PHEX: variants seen among roughly 807,000 people sequenced by gnomAD.
The protein encoded by PHEX is phosphate regulating endopeptidase X-linked.
In PHEX, 16 loss-of-function variants were observed where a neutral mutation model predicts 68.0. The ratio of observed to expected loss-of-function variants is 0.24; its 90% CI spans 0.16 to 0.36. The LOEUF (loss-of-function observed/expected upper bound fraction) is 0.36. Ranked by LOEUF, PHEX falls within the 10% of genes least tolerant of loss-of-function variation. The pLI, the probability that PHEX is intolerant of heterozygous loss-of-function variation, is 1.00. For synonymous variants in PHEX, 208 were observed against 205.1 expected, an observed-to-expected ratio of 1.01 and a Z score of -0.12; for missense variants, 480 against 575.5, an observed-to-expected ratio of 0.83 and a Z score of 1.70.
At chrX:22,226,324 G>GAA (rs59957380) in intron 18 of PHEX, 119 bp from the exon 19 acceptor site, 5 of 552,905 alleles carry the variant, frequency 9.0e-6, no homozygotes, top group Non-Finnish European at 1.5e-5. Flanking sequence ...TTTATTGAAT[G>GAA]TGATTTTCTC....
At chrX:22,043,146 T>C (rs900769391) in intron 2 of PHEX, among the ~76,000 whole-genome samples, 2 of 112,822 alleles carry the variant, frequency 1.8e-5, no homozygotes, top group African/African-American at 3.2e-5. Flanking sequence ...GAAAAATCTA[T>C]GAGCTCTGAA....
intron 18 of PHEX, among the ~76,000 whole-genome samples, chrX:22,225,653 A>ATAAG (rs960248467): frequency 6.2e-5 from 7 of 112,522 alleles, no homozygotes; most frequent in Middle Eastern, 4.6e-3. Context: ...TGAATTTCAT[A>ATAAG]TAAGTAATTT....
At chrX:22,102,781 A>G (rs756806699) in intron 9 of PHEX, among the ~76,000 whole-genome samples, 66 of 112,345 alleles carry the variant, frequency 5.9e-4, no homozygotes, top group Middle Eastern at 4.6e-3. Context: ...GGCTCAGGAT[A>G]TGTAGAGGAA....
chrX:22,095,886 C>T (rs111273855), intron 7 of PHEX, among the ~76,000 whole-genome samples: 23 of 112,249 alleles, frequency 2.0e-4, no homozygotes, highest in Non-Finnish European at 3.9e-4. Context: ...CAGCCAAATA[C>T]GTCCTTGTAA....
chrX:22,072,024 C>T (rs750597004), intron 3 of PHEX, among the ~76,000 whole-genome samples: 26 of 112,193 alleles, frequency 2.3e-4, no homozygotes, highest in African/African-American at 8.1e-4. Context: ...GTCAGGAGTT[C>T]GAGACCAGCC....
intron 3 of PHEX, among the ~76,000 whole-genome samples, chrX:22,073,455 C>A (rs758739266): frequency 9.0e-6 from 1 of 111,121 alleles, no homozygotes; most frequent in African/African-American, 3.3e-5. Context: ...CAACTGGAAC[C>A]CATGTCTGTG....
At chrX:22,087,750 TTC>T (rs1448930829) in intron 5 of PHEX, among the ~76,000 whole-genome samples, 3 of 111,747 alleles carry the variant, frequency 2.7e-5, no homozygotes, top group African/African-American at 9.7e-5. Context: ...TAGATTTTGT[TTC>T]TTATTATTTT....
rs191028600 is a variant in PHEX at position 22,247,856 on chromosome X, A to C, written c.2153A>C (p.Asn718Thr). Residue 718 changes from asparagine to threonine, a missense_variant, in exon 22 of 22, where the codon AAT becomes ACT. Physicochemically the swap from Asn to Thr is moderately conservative, Grantham distance 65. Coordinates refer to ENST00000379374, the MANE Select transcript of PHEX (RefSeq NM_000444.6). ...GAHSPPQFRVNGAISNFEEFQ... is the reference protein window; with the variant it reads ...GAHSPPQFRVTGAISNFEEFQ... ...TTTGACATATCGTTTTTCAGGGTCA[A>C]TGGTGCAATTAGTAACTTTGAAGAA... 1 of 1,191,303 alleles carries C rather than the reference A, an allele frequency of 8.4e-7. No individual in the cohort carries two copies. The highest frequency in any genetic ancestry group is 1.1e-6 in the Non-Finnish European group (1 of 876,727).
At chrX:22,042,695 C>T (rs957464497) in intron 2 of PHEX, among the ~76,000 whole-genome samples, 1 of 111,174 alleles carries the variant, frequency 9.0e-6, no homozygotes, top group Non-Finnish European at 1.9e-5. Context: ...CGAGGCAGGA[C>T]AATCACTTGA....
At position 22,190,428 on chromosome X, in the gene PHEX, G is replaced by T. The variant is rs374593246; in HGVS notation, c.1587-16G>T. Reference sequence around the variant, plus strand: ...TAATGATGATTGCTCTCTGGCATTTGTTTCTTTTTCTACAGGTGGTTTACA... The same window carrying T: ...TAATGATGATTGCTCTCTGGCATTTTTTTCTTTTTCTACAGGTGGTTTACA... On this transcript the variant is annotated splice_polypyrimidine_tract_variant and intron_variant, in intron 14 of 21. Transcript: ENST00000379374. 5.5e-5 allele frequency: 64 copies of T among 1,157,310 alleles called. No homozygotes were observed. The highest frequency in any genetic ancestry group is 7.6e-5 in the Non-Finnish European group (64 of 847,054).
intron 3 of PHEX, among the ~76,000 whole-genome samples, chrX:22,074,921 C>T (rs7890372): frequency 0.073 from 7,960 of 109,702 alleles, 438 homozygotes; most frequent in African/African-American, 0.19. Flanking sequence ...ACTAAAAATA[C>T]AAAAAATTAG....
At chrX:22,227,727 A>AATGTT (rs755275845) in intron 20 of PHEX, 116 bp downstream of exon 20, 5 of 526,335 alleles carry the variant, frequency 9.5e-6, no homozygotes, top group Non-Finnish European at 1.7e-5. Flanking sequence ...TTTCAGCAAA[A>AATGTT]ATGTTATCTT....
rs192082806 is a variant in PHEX at position 22,121,951 on chromosome X, C to T, written c.1302+7365C>T. On this transcript the variant is annotated intron_variant, in intron 11 of 21. Transcript: ENST00000379374. ...ACCCACGTGGGTCCAATTGCAGTGG[C>T]GGAGTTTGAACTTGCAACCTCAATA... 8.0e-4 allele frequency among the ~76,000 whole-genome samples: 89 copies of T among 111,873 alleles called. 1 individual carries two copies. The East Asian group carries it at 0.024, about 30-fold the overall frequency.
At chrX:22,136,981 G>A (rs961941991) in intron 12 of PHEX, among the ~76,000 whole-genome samples, 1 of 112,203 alleles carries the variant, frequency 8.9e-6, no homozygotes, top group African/African-American at 3.2e-5. Flanking sequence ...TTCCCTGCAA[G>A]CATGTGCTCT....
At chrX:22,168,655 T>A (rs1485250753) in intron 13 of PHEX, among the ~76,000 whole-genome samples, 2 of 112,080 alleles carry the variant, frequency 1.8e-5, no homozygotes, top group East Asian at 5.6e-4. Flanking sequence ...AATTTGATCA[T>A]AAAAGAAAGA....
intron 12 of PHEX, among the ~76,000 whole-genome samples, chrX:22,155,747 T>A (rs1389177071): frequency 8.9e-6 from 1 of 112,066 alleles, no homozygotes; most frequent in Non-Finnish European, 1.9e-5. Context: ...TTTAATTATA[T>A]ATTTCTATCT....
intron 3 of PHEX, among the ~76,000 whole-genome samples, chrX:22,056,447 A>G (rs1173419104): frequency 9.1e-6 from 1 of 110,287 alleles, no homozygotes; most frequent in Non-Finnish European, 1.9e-5. Flanking sequence ...ATACTTCCTC[A>G]TTCATATCTA....
intron 1 of PHEX, among the ~76,000 whole-genome samples, chrX:22,037,922 TAA>T (rs1208391753): frequency 1.8e-5 from 2 of 111,915 alleles, no homozygotes; most frequent in Non-Finnish European, 3.8e-5. Context: ...TGACATAGTT[TAA>T]AAGTTTCAAT....
At chrX:22,132,697 TCA>T (rs1202918004) in intron 11 of PHEX, among the ~76,000 whole-genome samples, 2 of 111,561 alleles carry the variant, frequency 1.8e-5, no homozygotes, top group African/African-American at 6.5e-5. Flanking sequence ...CCTGTCTCTC[TCA>T]GTCCTTTATT....
Sources: allele counts gnomAD v4.1 joint callset (sites outside exome capture counted in the v4.1 genomes callset), GRCh38; gene constraint gnomAD v4.1.1; transcripts MANE v1.5; gene names NCBI Gene and HGNC (gene_info 2026-07-23, HGNC 2026-07-21).